NUP155: variants seen among roughly 807,000 people sequenced by gnomAD.
NUP155 encodes the protein nucleoporin 155.
In NUP155, 71 loss-of-function variants were observed where a neutral mutation model predicts 180.4. The ratio of observed to expected loss-of-function variants is 0.39; its 90% CI spans 0.33 to 0.48. The LOEUF (loss-of-function observed/expected upper bound fraction) is 0.48. NUP155 is among the 20% of genes least tolerant of loss of function. The pLI, the probability that NUP155 is intolerant of heterozygous loss-of-function variation, is 0.91. For missense variants in NUP155, 1,553 were observed against 1,648.9 expected (o/e 0.94, Z 1.01); for synonymous variants, 582 against 559.5 (o/e 1.04, Z -0.57).
At chr5:37,327,955 T>C (rs1036354176) in intron 17 of NUP155, among the ~76,000 whole-genome samples, 179 bp from the exon 18 acceptor site, 1 of 152,290 alleles carries the variant, frequency 6.6e-6, no homozygotes, top group East Asian at 1.9e-4. Context: ...ATGAAATACA[T>C]AGATATTTAA....
chr5:37,343,054 T>C (rs1478003151), intron 9 of NUP155, among the ~76,000 whole-genome samples: 1 of 151,846 alleles, frequency 6.6e-6, no homozygotes, highest in African/African-American at 2.4e-5. Context: ...CGACCACATA[T>C]TTCCATATTT....
chr5:37,338,400 CA>C (rs2150973662), intron 11 of NUP155, among the ~76,000 whole-genome samples: 2 of 150,002 alleles, frequency 1.3e-5, no homozygotes, highest in African/African-American at 4.9e-5. Flanking sequence ...TATACACACA[CA>C]ACATCAATCT....
chr5:37,329,972 T>A (rs1194759357), intron 15 of NUP155, 66 bp downstream of exon 15: 22 of 1,149,392 alleles, frequency 1.9e-5, no homozygotes, highest in Non-Finnish European at 2.6e-5. Flanking sequence ...ATCACATTGA[T>A]AAAATCATTT....
chr5:37,312,442 A>T (rs186485939), intron 22 of NUP155, among the ~76,000 whole-genome samples: 1 of 152,168 alleles, frequency 6.6e-6, no homozygotes, highest in African/African-American at 2.4e-5. Flanking sequence ...GATTTCTACA[A>T]GGCAACAGCA....
rs577319620 is a variant in NUP155, at chr5:37,314,998, G to A, written c.2306-670C>T. ...AGTAATCCCAGCACTTTGGGAGGCC[G>A]AGTTGGGCGGATCACCTGAGGTCAT... On this transcript the variant is annotated intron_variant, in intron 21 of 34. Coordinates refer to ENST00000231498, the MANE Select transcript of NUP155 (RefSeq NM_153485.3). Among the ~76,000 whole-genome samples the A allele has an allele frequency of 2.6e-5, 4 of 152,314 alleles. No homozygotes were observed. The South Asian group carries it at 6.2e-4, about 24-fold the overall frequency.
chr5:37,301,365 A>C (rs1477325821), intron 30 of NUP155, 72 bp downstream of exon 30: 1 of 958,910 alleles, frequency 1.0e-6, no homozygotes, highest in Non-Finnish European at 1.7e-6. Context: ...ATGAAACAAA[A>C]AGCAAAATAA....
chr5:37,326,007 A>T, intron 18 of NUP155, 40 bp from the exon 19 acceptor site: 1 of 1,310,860 alleles, frequency 7.6e-7, no homozygotes. Context: ...CTGTAAATGA[A>T]TAAAAACAAT....
intron 32 of NUP155, among the ~76,000 whole-genome samples, chr5:37,295,891 C>T (rs1742522913): frequency 6.7e-6 from 1 of 148,770 alleles, no homozygotes; most frequent in African/African-American, 2.5e-5. Context: ...GGTCAGCCCC[C>T]CGCCTGGCCA....
At chr5:37,361,587 T>C (rs938649500) in intron 3 of NUP155, among the ~76,000 whole-genome samples, 1 of 152,154 alleles carries the variant, frequency 6.6e-6, no homozygotes, top group Non-Finnish European at 1.5e-5. Context: ...CTCTTGGAAC[T>C]ACGATCCAAT....
chr5:37,305,889 A>C (rs1000183407), intron 25 of NUP155, among the ~76,000 whole-genome samples: 2 of 151,180 alleles, frequency 1.3e-5, no homozygotes, highest in African/African-American at 4.9e-5. Context: ...AAAAAACAAA[A>C]CCCCCCAAAA....
chr5:37,335,486 C>A (rs1234938562), intron 12 of NUP155, among the ~76,000 whole-genome samples: 2 of 151,928 alleles, frequency 1.3e-5, no homozygotes, highest in African/African-American at 4.8e-5. Flanking sequence ...ATGCCCAATA[C>A]CTAGACTCAA....
chr5:37,306,485 C>T (rs558695015), intron 25 of NUP155, among the ~76,000 whole-genome samples: 11 of 152,168 alleles, frequency 7.2e-5, no homozygotes, highest in South Asian at 2.1e-4. Flanking sequence ...TTCTTTGTTC[C>T]GAGACGGAGC....
At chr5:37,308,513 A>G (rs1743310661) in intron 24 of NUP155, among the ~76,000 whole-genome samples, 1 of 152,108 alleles carries the variant, frequency 6.6e-6, no homozygotes, top group African/African-American at 2.4e-5. Flanking sequence ...CCTGGCTAAC[A>G]TGGTGAAACC....
chr5:37,364,371 A>G lies in NUP155; in HGVS notation c.171T>C (p.Val57=). ...LMVSAPNNPT[V]SGMSDMDYPL... ...GATAATCCATATCTGACATGCCAGAAACGGTGGGATTATCTACAAAAAGAA... is the reference window on the plus strand; with the variant it reads ...GATAATCCATATCTGACATGCCAGAGACGGTGGGATTATCTACAAAAAGAA... Residue 57 remains valine, a synonymous_variant, in exon 2 of 35, where the codon GTT becomes GTC. Coordinates refer to ENST00000231498, the MANE Select transcript of NUP155 (RefSeq NM_153485.3). 6.2e-7 allele frequency: 1 copy of G among 1,612,360 alleles called. No homozygotes were observed. The highest frequency in any genetic ancestry group is 8.5e-7 in the Non-Finnish European group (1 of 1,178,374).
chr5:37,344,380 A>G (rs1166279179), intron 9 of NUP155, among the ~76,000 whole-genome samples: 1 of 149,836 alleles, frequency 6.7e-6, no homozygotes, highest in Non-Finnish European at 1.5e-5. Context: ...ATATACATAT[A>G]TAAAATACAT....
Position 37,330,137 on chromosome 5 carries a change from G to T in NUP155, c.1630-5C>A. The stretch of plus-strand genomic sequence containing the variant: ...AGTTGCACAAGCCTGGTCTTCCTGT[G>T]TAAAAAGAGGAATATTGGCCTTATA... On this transcript the variant is annotated splice_polypyrimidine_tract_variant and splice_region_variant and intron_variant, in intron 14 of 34. Coordinates refer to ENST00000231498, the MANE Select transcript of NUP155 (RefSeq NM_153485.3). 1.3e-6 allele frequency: 2 copies of T among 1,599,752 alleles called. No homozygotes were observed. Among genetic ancestry groups the T allele is most frequent in the Non-Finnish European group, 1.7e-6 (2 of 1,168,592 alleles).
chr5:37,346,820 C>T (rs1004303921), intron 9 of NUP155, among the ~76,000 whole-genome samples: 4 of 152,130 alleles, frequency 2.6e-5, no homozygotes, highest in African/African-American at 4.8e-5. Context: ...GCAAATCATC[C>T]CTTAGTTTCA....
chr5:37,370,578 T>C (rs1747895257), intron 1 of NUP155: 10 of 1,214,506 alleles, frequency 8.2e-6, no homozygotes, highest in South Asian at 4.7e-5. Flanking sequence ...GTTGAGGTCT[T>C]TGCCTCTTTC....
In NUP155 at chr5:37,291,752, G is replaced by T. The variant is rs1742242184; in HGVS notation, c.*148C>A. 3.2e-6 allele frequency: 2 copies of T among 632,636 alleles called. No homozygotes were observed. The highest frequency in any genetic ancestry group is 2.4e-5 in the South Asian group (1 of 40,834). 39.2% of individuals were successfully genotyped at this position (632,636 alleles called of 1,614,324 possible). ...CATAAAAAAGAATTCATTTAGCAAA[G>T]GTACTATTTGTAGATATTAGCCACT... On this transcript the variant is annotated 3_prime_UTR_variant, in exon 35 of 35. Transcript: ENST00000231498.
Sources: gnomAD v4.1 joint callset for allele counts (sites outside exome capture counted in the v4.1 genomes callset) on GRCh38, gnomAD v4.1.1 for gene constraint, MANE v1.5 for transcripts, NCBI Gene and HGNC (gene_info 2026-07-23, HGNC 2026-07-21) for gene names.